The following SLC7A5 variants were observed in gnomAD, a reference collection of about 807,000 sequenced individuals.
SLC7A5 encodes large neutral amino acids transporter small subunit 1.
In SLC7A5, 23 loss-of-function variants were observed where a neutral mutation model predicts 50.2. The observed-to-expected ratio is 0.46, with a 90% CI of 0.33 to 0.65. The LOEUF (loss-of-function observed/expected upper bound fraction) is 0.65, where lower values mean the gene tolerates loss of function less well. Among genes scored for constraint, SLC7A5 ranks in the 30% least tolerant of loss-of-function variants. SLC7A5 has a pLI of 0.02. For missense variants in SLC7A5, 578 were observed against 684.4 expected, an observed-to-expected ratio of 0.84 and a Z score of 1.73; for synonymous variants, 393 against 330.6, an observed-to-expected ratio of 1.19 and a Z score of -2.05.
At position 87,869,323 on chromosome 16, in the gene SLC7A5, C is replaced by T; in HGVS notation, c.100G>A (p.Gly34Ser). 1 of 1,610,510 alleles carries T rather than the reference C, an allele frequency of 6.2e-7. No individual in the cohort carries two copies. Among genetic ancestry groups the T allele is most frequent in the Non-Finnish European group, 8.5e-7 (1 of 1,179,360 alleles). Residue 34 changes from glycine (G) to serine (S), a missense_variant, in exon 1 of 10, where the codon GGC becomes AGC. Physicochemically the swap from Gly to Ser is moderately conservative, Grantham distance 56. This residue lies in a region of SLC7A5 where 113 missense variants were observed against 89.8 expected (regional missense o/e 1.26). Coordinates refer to ENST00000261622, the MANE Select transcript of SLC7A5 (RefSeq NM_003486.7). ...TCGCCCTCGCCTGCCGGCGCCGAGC[C>T]GTCCGCGCTCTTGGCGGCCAGCATC... ...EKMLAAKSAD[G>S]SAPAGEGEGV...
intron 1 of SLC7A5, among the ~76,000 whole-genome samples, chr16:87,858,565 G>A (rs1197436598): frequency 1.3e-5 from 2 of 152,184 alleles, no homozygotes; most frequent in Non-Finnish European, 2.9e-5. Context: ...TATAGCCGGG[G>A]TAAACGTAGT....
At chr16:87,840,978 GATTTGGGA>G in intron 3 of SLC7A5, 64 bp downstream of exon 3, 2 of 1,049,406 alleles carry the variant, frequency 1.9e-6, no homozygotes, top group Non-Finnish European at 3.0e-6. Flanking sequence ...ATGGCTGGGA[GATTTGGGA>G]TTCCTGGACA....
At chr16:87,834,994 C>T (rs527418747) in intron 8 of SLC7A5, among the ~76,000 whole-genome samples, 9 of 152,378 alleles carry the variant, frequency 5.9e-5, no homozygotes, top group South Asian at 4.1e-4. Flanking sequence ...TTGGAGACGC[C>T]GCTGTGGACA....
In SLC7A5 at chr16:87,833,809, T is replaced by C. The variant is rs758441857; in HGVS notation, c.1468+605A>G. 3.3e-5 allele frequency among the ~76,000 whole-genome samples: 5 copies of C among 151,204 alleles called. No individual in the cohort carries two copies. The highest frequency in any genetic ancestry group is 5.9e-5 in the Non-Finnish European group (4 of 67,824). On this transcript the variant is annotated intron_variant, in intron 9 of 9. Transcript: ENST00000261622. This position sits in a 1 kb window ranked among gnomAD's most constrained non-coding sequence, Gnocchi z 6.0. The stretch of plus-strand genomic sequence containing the variant: ...CCTGAGCTTGGTGACAAAGCACCCC[T>C]GGGGCTGCCGCTGCACACAGGGCCG...
At chr16:87,868,115 CAAAAAAA>C (rs11372656) in intron 1 of SLC7A5, among the ~76,000 whole-genome samples, 5 of 80,368 alleles carry the variant, frequency 6.2e-5, no homozygotes, top group Admixed American at 1.5e-4. Context: ...GACTCAGTGT[CAAAAAAA>C]AAAAAAAAAA....
Position 87,861,812 on chromosome 16 carries a change from C to G in SLC7A5, c.538+7073G>C, listed in dbSNP as rs1321699424. Among the ~76,000 whole-genome samples, 1 of 152,242 alleles carries G rather than the reference C, an allele frequency of 6.6e-6. No individual in the cohort carries two copies. On this transcript the variant is annotated intron_variant, in intron 1 of 9. Coordinates refer to ENST00000261622, the MANE Select transcript of SLC7A5 (RefSeq NM_003486.7). This position sits in a 1 kb window ranked among gnomAD's most constrained non-coding sequence, Gnocchi z 4.2. Reference sequence around the variant, plus strand: ...GCCCGTTAGGCTCTCCTGTGTGGCTCAGGTCATGTGCTTCTGTGAGCTCCC... The same window carrying G: ...GCCCGTTAGGCTCTCCTGTGTGGCTGAGGTCATGTGCTTCTGTGAGCTCCC...
Position 87,860,388 on chromosome 16 carries a change from ACACACACAC to A in SLC7A5, c.538+8488_538+8496del. On this transcript the variant is annotated intron_variant, in intron 1 of 9. Coordinates refer to ENST00000261622, the MANE Select transcript of SLC7A5 (RefSeq NM_003486.7). The surrounding 1 kb of genome is among the most constrained non-coding windows in gnomAD (Gnocchi z 4.8). ...CACACACACACACACACACACACAC[ACACACACAC>A]ACATATATATATAAAGAAAAAGGAA... is the stretch of plus-strand genomic sequence containing the variant. Among the ~76,000 whole-genome samples, 1 of 143,178 alleles carries A rather than the reference ACACACACAC, an allele frequency of 7.0e-6. No homozygotes were observed. The highest frequency in any genetic ancestry group is 2.6e-5 in the African/African-American group (1 of 37,822). The allele number at this position is 143,178 out of a possible 152,430, so 93.9% of individuals were successfully genotyped here.
chr16:87,831,953 G>C lies in SLC7A5; in HGVS notation c.*1017C>G, dbSNP rs80186383. 6.5e-6 allele frequency: 1 copy of C among 153,116 alleles called. No individual in the cohort carries two copies. The highest frequency in any genetic ancestry group is 1.5e-5 in the Non-Finnish European group (1 of 68,766). 9.5% of individuals were successfully genotyped at this position (153,116 alleles called of 1,614,324 possible). The stretch of plus-strand genomic sequence containing the variant: ...ACATGAGCGTGACAGGGAGAGCGGG[G>C]AGGTGCCTAGGCCGGGAGTGGGAAC... On this transcript the variant is annotated 3_prime_UTR_variant, in exon 10 of 10. Transcript: ENST00000261622.
intron 1 of SLC7A5, among the ~76,000 whole-genome samples, chr16:87,857,005 C>CT (rs2055330071): frequency 7.8e-6 from 1 of 127,662 alleles, no homozygotes. Context: ...CACGTCACCG[C>CT]CCCGGGCTCC....
chr16:87,838,024 C>G, intron 6 of SLC7A5, 83 bp from the exon 7 acceptor site: 1 of 1,106,806 alleles, frequency 9.0e-7, no homozygotes, highest in South Asian at 1.3e-5. Flanking sequence ...TGGGGAGTGG[C>G]AGGGCCTGTG....
rs758927318 is a variant in SLC7A5 at position 87,853,352 on chromosome 16, C to T, written c.539-1503G>A. 7.9e-5 allele frequency among the ~76,000 whole-genome samples: 12 copies of T among 152,220 alleles called. No individual in the cohort carries two copies. The highest frequency in any genetic ancestry group is 2.1e-4 in the South Asian group (1 of 4,830). On this transcript the variant is annotated intron_variant, in intron 1 of 9. Coordinates refer to ENST00000261622, the MANE Select transcript of SLC7A5 (RefSeq NM_003486.7). This position sits in a 1 kb window ranked among gnomAD's most constrained non-coding sequence, Gnocchi z 4.4. ...CGCTACAATTCTGTGGATGCCAGAG[C>T]GGAGACGGCTACTACACACCAGGAA...
intron 7 of SLC7A5, chr16:87,837,623 A>G: frequency 1.8e-6 from 1 of 542,196 alleles, no homozygotes; most frequent in South Asian, 2.3e-5. Flanking sequence ...CGCATTTCCG[A>G]TGGTCTGAAT....
Position 87,852,687 on chromosome 16 carries a change from T to TGTGTGTGTGTGTG in SLC7A5, c.539-839_539-838insCACACACACACAC, listed in dbSNP as rs1567497065. On this transcript the variant is annotated intron_variant, in intron 1 of 9. Transcript: ENST00000261622. This position sits in a 1 kb window ranked among gnomAD's most constrained non-coding sequence, Gnocchi z 4.5. ...GTGTGTGTGTGTGTGTGTGTGTGTG[T>TGTGTGTGTGTGTG]TGGGGGTTCTGTTGCAATATATAGG... Among the ~76,000 whole-genome samples the TGTGTGTGTGTGTG allele has an allele frequency of 4.0e-5, 5 of 126,130 alleles. No individual in the cohort carries two copies. The highest frequency in any genetic ancestry group is 4.4e-4 in the East Asian group (2 of 4,532). The allele number at this position is 126,130 out of a possible 152,430, so 82.7% of individuals were successfully genotyped here.
At chr16:87,843,133 C>A (rs914696966) in intron 2 of SLC7A5, among the ~76,000 whole-genome samples, 2 of 152,088 alleles carry the variant, frequency 1.3e-5, no homozygotes, top group African/African-American at 4.8e-5. Context: ...GTGACCACCC[C>A]CGGACTCAGC....
intron 2 of SLC7A5, among the ~76,000 whole-genome samples, chr16:87,849,158 G>C (rs1473519450): frequency 1.3e-5 from 2 of 152,264 alleles, no homozygotes; most frequent in Non-Finnish European, 2.9e-5. Flanking sequence ...TCTCTGCCTT[G>C]AAGTATCTGG....
In SLC7A5 at chr16:87,833,024, G is replaced by A. The variant is rs534139169; in HGVS notation, c.1470C>T (p.Phe490=). The change falls in exon 10 of 10, where the codon TTC becomes TTT. Residue 490 remains phenylalanine, a splice_region_variant and synonymous_variant. Transcript: ENST00000261622. This position sits in a 1 kb window ranked among gnomAD's most constrained non-coding sequence, Gnocchi z 6.0. Reference sequence around the variant, plus strand: ...GCTTCTGACACAGGACGGTCGTGGAGACTGTCAGGAGAGAAGACAGCTGTG... The same window carrying A: ...GCTTCTGACACAGGACGGTCGTGGAAACTGTCAGGAGAGAAGACAGCTGTG... ...NKPKWLLQGI[F]STTVLCQKLM... is the part of the protein sequence containing the mutation. The A allele has an allele frequency of 1.9e-6, 3 of 1,613,760 alleles. No individual in the cohort carries two copies. Among genetic ancestry groups the A allele is most frequent in the South Asian group, 2.2e-5 (2 of 91,072 alleles).
intron 3 of SLC7A5, 30 bp from the exon 4 acceptor site, chr16:87,840,503 T>C: frequency 1.1e-6 from 1 of 941,110 alleles, no homozygotes; most frequent in Non-Finnish European, 1.4e-6. Flanking sequence ...GTTCAAATTA[T>C]ATGATCCTCA....
At chr16:87,863,986 A>AAAAAATATATATATATATATATAT (rs376938738) in intron 1 of SLC7A5, among the ~76,000 whole-genome samples, 2 of 83,280 alleles carry the variant, frequency 2.4e-5, no homozygotes, top group Non-Finnish European at 2.5e-5. Context: ...ATCATTTAAA[A>AAAAAATATATATATATATATATAT]ATATATATAT....
At position 87,858,190 on chromosome 16, in the gene SLC7A5, A is replaced by G. The variant is rs368605322; in HGVS notation, c.539-6341T>C. On this transcript the variant is annotated intron_variant, in intron 1 of 9. Transcript: ENST00000261622. ...TGTGAACTCCGGCAAGTTCCTTTGC[A>G]GGGACTGAGCCTCCCTTTCCTGTTT... Among the ~76,000 whole-genome samples, 3 of 152,228 alleles carry G rather than the reference A, an allele frequency of 2.0e-5. No homozygotes were observed. The East Asian group carries it at 5.8e-4, about 29-fold the overall frequency.
Sources: gnomAD v4.1 joint callset for allele counts (sites outside exome capture counted in the v4.1 genomes callset) on GRCh38, gnomAD v4.1.1 for gene constraint, gnomAD v4.1.1 regional missense constraint, Gnocchi (gnomAD v3.1) non-coding constraint, MANE v1.5 for transcripts, NCBI Gene and HGNC (gene_info 2026-07-23, HGNC 2026-07-21) for gene names.